The following ACYP1 variants were observed in gnomAD, a reference collection of about 807,000 sequenced individuals.
The protein encoded by ACYP1 is acylphosphatase 1, also known as acylphosphatase-1.
Under a neutral mutation model 10.4 loss-of-function variants are expected in ACYP1, and 8 were observed. That is an observed-to-expected ratio of 0.77 (90% CI 0.45 to 1.38). ACYP1 has a LOEUF of 1.38. ACYP1 is among the 40% of genes most tolerant of loss of function. The probability of loss-of-function intolerance (pLI) is 0.00; values close to 1 mark genes in which losing one functional copy is unlikely to be tolerated. For synonymous variants in ACYP1, 38 were observed against 40.8 expected, an observed-to-expected ratio of 0.93 and a Z score of 0.26; for missense variants, 93 against 117.3, an observed-to-expected ratio of 0.79 and a Z score of 0.96.
chr14:75,056,595 C>T (rs907751675), intron 2 of ACYP1, among the ~76,000 whole-genome samples: 4 of 151,222 alleles, frequency 2.6e-5, no homozygotes, highest in Admixed American at 6.6e-5. Context: ...AAACCATAGA[C>T]CAATATCTCT....
At position 75,053,729 on chromosome 14, in the gene ACYP1, C is replaced by T. The variant is rs886871562; in HGVS notation, c.85-70G>A. 16 of 1,448,948 alleles carry T rather than the reference C, an allele frequency of 1.1e-5. No homozygotes were observed. The Admixed American group carries it at 1.8e-4, about 16-fold the overall frequency. 89.8% of individuals were successfully genotyped at this position (1,448,948 alleles called of 1,614,324 possible). A position where few individuals can be genotyped will look rare whatever the true frequency, so the allele number is the denominator to read the frequency against. On this transcript the variant is annotated intron_variant, in intron 2 of 2. Transcript: ENST00000238618. The stretch of plus-strand genomic sequence containing the variant: ...AACAAGGTAAGACTACAATCTGTTG[C>T]CAGAATCTTGGCCTAGAATCAAGCC...
upstream of ACYP1, chr14:75,064,371 A>T (rs1893107110): frequency 6.6e-6 from 1 of 152,364 alleles, no homozygotes; most frequent in Admixed American, 6.5e-5. Context: ...CACCTGTTCT[A>T]GGTGACCAGG....
chr14:75,060,274 C>T (rs1166277640), intron 2 of ACYP1: 14 of 690,294 alleles, frequency 2.0e-5, no homozygotes, highest in Non-Finnish European at 3.4e-5. Flanking sequence ...GAAAAACAAA[C>T]AAACAACCAC....
upstream of ACYP1, among the ~76,000 whole-genome samples, chr14:75,065,478 A>T (rs1156647615): frequency 6.6e-6 from 1 of 152,230 alleles, no homozygotes; most frequent in Non-Finnish European, 1.5e-5. Context: ...AACTCTAAAT[A>T]GAGTATCTTG....
intron 2 of ACYP1, among the ~76,000 whole-genome samples, chr14:75,053,960 T>G (rs1009247984): frequency 6.6e-6 from 1 of 152,196 alleles, no homozygotes; most frequent in Non-Finnish European, 1.5e-5. Flanking sequence ...TTTGAAATGA[T>G]CCCCTAAGGC....
chr14:75,059,820 T>A (rs994355495), intron 2 of ACYP1: 1 of 155,802 alleles, frequency 6.4e-6, no homozygotes. Context: ...ATAACACAGA[T>A]GAACCCTGAG....
intron 2 of ACYP1, among the ~76,000 whole-genome samples, chr14:75,054,592 A>T (rs1210227569): frequency 6.6e-6 from 1 of 151,606 alleles, no homozygotes; most frequent in East Asian, 1.9e-4. Context: ...AATGGGAGTT[A>T]ACATGATTGC....
intron 2 of ACYP1, among the ~76,000 whole-genome samples, chr14:75,062,659 CAAAAAAAAAA>C (rs534860020): frequency 1.9e-5 from 2 of 103,420 alleles, no homozygotes; most frequent in Non-Finnish European, 3.9e-5. Context: ...ACTAAAAATA[CAAAAAAAAAA>C]AAAAAAAAAA....
intron 2 of ACYP1, among the ~76,000 whole-genome samples, chr14:75,055,996 CA>C (rs1327393062): frequency 1.3e-5 from 2 of 151,186 alleles, no homozygotes; most frequent in African/African-American, 4.9e-5. Flanking sequence ...AATTATATGC[CA>C]AAAAATTAGA....
At chr14:75,057,445 C>G (rs1393323234) in intron 2 of ACYP1, among the ~76,000 whole-genome samples, 3 of 151,570 alleles carry the variant, frequency 2.0e-5, no homozygotes. Flanking sequence ...ACAGATTCAA[C>G]TCAATCTCTA....
upstream of ACYP1, among the ~76,000 whole-genome samples, chr14:75,068,187 A>G (rs1407595230): frequency 1.3e-5 from 2 of 152,036 alleles, no homozygotes; most frequent in African/African-American, 4.8e-5. Context: ...GCTACTCGGG[A>G]GGCTGAGGCA....
intron 2 of ACYP1, among the ~76,000 whole-genome samples, chr14:75,054,777 C>T (rs1160217097): frequency 2.0e-5 from 3 of 151,434 alleles, no homozygotes; most frequent in African/African-American, 7.3e-5. Context: ...TTGAGGGATA[C>T]AAAGGAAATT....
chr14:75,054,389 G>A (rs1321396241), intron 2 of ACYP1, among the ~76,000 whole-genome samples: 1 of 151,458 alleles, frequency 6.6e-6, no homozygotes, highest in Admixed American at 6.6e-5. Flanking sequence ...CTTATAAAAA[G>A]CATCTAATCA....
upstream of ACYP1, among the ~76,000 whole-genome samples, chr14:75,067,709 A>G (rs1456254779): frequency 2.0e-5 from 3 of 152,176 alleles, no homozygotes; most frequent in Non-Finnish European, 4.4e-5. Context: ...AACAAGATGC[A>G]GACAGGGTGC....
intron 2 of ACYP1, among the ~76,000 whole-genome samples, chr14:75,057,907 G>A (rs1892914808): frequency 7.9e-6 from 1 of 126,594 alleles, no homozygotes. Flanking sequence ...GGAGGTTGCA[G>A]TGAGCCGAGA....
chr14:75,063,645 CCT>C (rs1893085287), intron 1 of ACYP1, 84 bp from the exon 2 acceptor site: 2 of 1,089,910 alleles, frequency 1.8e-6, no homozygotes, highest in South Asian at 2.7e-5. Flanking sequence ...CACACCCACC[CCT>C]GTCCATCCTT....
At chr14:75,068,884 G>A (rs550999401), upstream of ACYP1, among the ~76,000 whole-genome samples, 15 of 152,172 alleles carry the variant, frequency 9.9e-5, no homozygotes, top group East Asian at 2.3e-3. Flanking sequence ...TGTTCCAAAC[G>A]GCTTACACAG....
chr14:75,069,129 G>T, intron 1 of ACYP1: 1 of 1,326,664 alleles, frequency 7.5e-7, no homozygotes, highest in Non-Finnish European at 1.0e-6. Context: ...ACCACGGAAA[G>T]ATACTGCGTA....
At chr14:75,061,729 G>T in intron 2 of ACYP1, 1 of 1,594,076 alleles carries the variant, frequency 6.3e-7, no homozygotes. Flanking sequence ...CTCTTGCTGT[G>T]AGTTTCAGCA....
Sources: allele counts gnomAD v4.1 joint callset (sites outside exome capture counted in the v4.1 genomes callset), GRCh38; gene constraint gnomAD v4.1.1; transcripts MANE v1.5; gene names NCBI Gene and HGNC (gene_info 2026-07-23, HGNC 2026-07-21).